FAM184B: variants seen among roughly 807,000 people sequenced by gnomAD.
The protein encoded by FAM184B is protein FAM184B.
Under a neutral mutation model 135.9 loss-of-function variants are expected in FAM184B, and 111 were observed. That is an observed-to-expected ratio of 0.82 (90% CI 0.70 to 0.96). FAM184B has a LOEUF of 0.96. FAM184B is among the 40% of genes least tolerant of loss of function. The probability of loss-of-function intolerance (pLI) is 0.00; values close to 1 mark genes in which losing one functional copy is unlikely to be tolerated. For missense variants in FAM184B, 1,375 were observed against 1,323.9 expected, an observed-to-expected ratio of 1.04 and a Z score of -0.60; for synonymous variants, 552 against 524.8, an observed-to-expected ratio of 1.05 and a Z score of -0.71.
At chr4:17,701,111 T>C (rs1380620051) in intron 5 of FAM184B, among the ~76,000 whole-genome samples, 1 of 152,230 alleles carries the variant, frequency 6.6e-6, no homozygotes, top group African/African-American at 2.4e-5. Context: ...TGACTCTGGT[T>C]GTTTGACTAG....
intron 1 of FAM184B, among the ~76,000 whole-genome samples, chr4:17,711,297 G>A (rs1392422410): frequency 2.6e-5 from 4 of 151,854 alleles, no homozygotes; most frequent in Non-Finnish European, 5.9e-5. Context: ...TGGCCAATAT[G>A]GTGAAACCCC....
chr4:17,708,854 T>C (rs1717180395), intron 2 of FAM184B, 38 bp downstream of exon 2: 1 of 1,466,580 alleles, frequency 6.8e-7, no homozygotes, highest in Non-Finnish European at 9.0e-7. Context: ...CCCTGCTGAT[T>C]TATCCCTTTG....
chr4:17,759,816 G>C lies in FAM184B; in HGVS notation c.141+21343C>G, dbSNP rs143690172. Among the ~76,000 whole-genome samples the C allele has an allele frequency of 3.9e-3, 591 of 152,204 alleles. 3 individuals carry two copies. The highest frequency in any genetic ancestry group is 6.8e-3 in the Middle Eastern group (2 of 294). Reference sequence around the variant, plus strand: ...CGGCCTAAGCACCTAAGTTCTTAAAGCTCATTCAAAAAAGTCTTAGCCATC... The same window carrying C: ...CGGCCTAAGCACCTAAGTTCTTAAACCTCATTCAAAAAAGTCTTAGCCATC... On this transcript the variant is annotated intron_variant, in intron 1 of 17. Coordinates refer to ENST00000265018, the MANE Select transcript of FAM184B (RefSeq NM_015688.2).
At chr4:17,650,332 G>A (rs1044830162) in intron 11 of FAM184B, among the ~76,000 whole-genome samples, 1 of 152,190 alleles carries the variant, frequency 6.6e-6, no homozygotes, top group Non-Finnish European at 1.5e-5. Context: ...TCAGCATCAG[G>A]AATATCTCAT....
chr4:17,648,191 G>T (rs1177833941), intron 11 of FAM184B, among the ~76,000 whole-genome samples: 1 of 152,086 alleles, frequency 6.6e-6, no homozygotes, highest in Non-Finnish European at 1.5e-5. Context: ...TGGCAGGTGT[G>T]GGCAGCATGG....
chr4:17,673,117 G>A lies in FAM184B; in HGVS notation c.1597-8458C>T, dbSNP rs577473429. On this transcript the variant is annotated intron_variant, in intron 7 of 17. Transcript: ENST00000265018. ...CAATCCCACCAAAAAGTGGGCTAAGGACATGAATAGACAATTCTCAAAAGA... is the reference window on the plus strand; with the variant it reads ...CAATCCCACCAAAAAGTGGGCTAAGAACATGAATAGACAATTCTCAAAAGA... Among the ~76,000 whole-genome samples the A allele has an allele frequency of 2.0e-5, 3 of 152,082 alleles. No homozygotes were observed. The South Asian group carries it at 6.2e-4, about 32-fold the overall frequency.
intron 1 of FAM184B, among the ~76,000 whole-genome samples, chr4:17,746,083 C>T (rs986222725): frequency 1.8e-4 from 28 of 151,932 alleles, no homozygotes; most frequent in African/African-American, 6.8e-4. Context: ...CTCAGCCTCC[C>T]GAGTAGCTGG....
At chr4:17,680,628 G>A (rs778768376) in intron 7 of FAM184B, among the ~76,000 whole-genome samples, 34 of 152,230 alleles carry the variant, frequency 2.2e-4, no homozygotes, top group African/African-American at 6.0e-4. Context: ...CCCATCAGGC[G>A]TTTTTCTCAG....
At position 17,733,784 on chromosome 4, in the gene FAM184B, T is replaced by C. The variant is rs369963579; in HGVS notation, c.142-24140A>G. ...TAATTTATATATTCAATGCCATCCC[T>C]ATCAAGCTACCAATGACTTTCTTCA... On this transcript the variant is annotated intron_variant, in intron 1 of 17. Transcript: ENST00000265018. 1.3e-3 allele frequency among the ~76,000 whole-genome samples: 191 copies of C among 152,284 alleles called. 1 individual carries two copies. The highest frequency in any genetic ancestry group is 3.9e-3 in the African/African-American group (162 of 41,564).
At chr4:17,742,131 CATATGAAT>C (rs1248460384) in intron 1 of FAM184B, among the ~76,000 whole-genome samples, 3 of 68,834 alleles carry the variant, frequency 4.4e-5, no homozygotes, top group Non-Finnish European at 8.5e-5. Flanking sequence ...TATACATATA[CATATGAAT>C]ATATATATAT....
At chr4:17,712,766 G>C (rs905294103) in intron 1 of FAM184B, among the ~76,000 whole-genome samples, 1 of 151,998 alleles carries the variant, frequency 6.6e-6, no homozygotes. Flanking sequence ...GCTTTGTATG[G>C]CTTTAAAAAA....
At chr4:17,645,119 A>G (rs1438966591) in intron 12 of FAM184B, among the ~76,000 whole-genome samples, 6 of 152,178 alleles carry the variant, frequency 3.9e-5, no homozygotes, top group Non-Finnish European at 1.5e-5. Context: ...ATGCTCATGG[A>G]TAGGAAGAAT....
intron 7 of FAM184B, among the ~76,000 whole-genome samples, chr4:17,686,320 G>T (rs1027585800): frequency 1.4e-4 from 21 of 152,234 alleles, no homozygotes; most frequent in African/African-American, 5.1e-4. Context: ...CCCTGTGGAT[G>T]AGGGTGCCTC....
intron 7 of FAM184B, among the ~76,000 whole-genome samples, chr4:17,685,295 A>G (rs1716553645): frequency 6.6e-6 from 1 of 150,960 alleles, no homozygotes; most frequent in African/African-American, 2.4e-5. Flanking sequence ...TCACACCTGT[A>G]ATCCCAGCAC....
intron 12 of FAM184B, among the ~76,000 whole-genome samples, chr4:17,647,431 G>A (rs1001205012): frequency 6.6e-6 from 1 of 151,700 alleles, no homozygotes; most frequent in Non-Finnish European, 1.5e-5. Context: ...ATTTTTTTTT[G>A]TAGAGATATA....
chr4:17,685,741 G>A (rs1046804279), intron 7 of FAM184B, among the ~76,000 whole-genome samples: 7 of 151,944 alleles, frequency 4.6e-5, no homozygotes, highest in Non-Finnish European at 7.4e-5. Flanking sequence ...CTGGCATCTC[G>A]TGGGTAAAGG....
chr4:17,754,089 C>T (rs1241620673), intron 1 of FAM184B, among the ~76,000 whole-genome samples: 1 of 152,154 alleles, frequency 6.6e-6, no homozygotes, highest in African/African-American at 2.4e-5. Flanking sequence ...GAAGTCAACA[C>T]AGCAGATTAT....
intron 7 of FAM184B, among the ~76,000 whole-genome samples, chr4:17,669,265 T>C (rs1260371004): frequency 6.6e-6 from 1 of 152,168 alleles, no homozygotes; most frequent in Non-Finnish European, 1.5e-5. Flanking sequence ...GTTTCAGGTA[T>C]TTTGGGCATA....
intron 1 of FAM184B, among the ~76,000 whole-genome samples, chr4:17,712,073 C>A (rs1350455301): frequency 6.6e-6 from 1 of 152,174 alleles, no homozygotes; most frequent in Non-Finnish European, 1.5e-5. Context: ...TGAGATTTTC[C>A]TCAGTCAGGT....
Sources: allele counts gnomAD v4.1 joint callset (sites outside exome capture counted in the v4.1 genomes callset), GRCh38; gene constraint gnomAD v4.1.1; transcripts MANE v1.5; gene names NCBI Gene and HGNC (gene_info 2026-07-23, HGNC 2026-07-21).